The following SEC24D variants were observed in gnomAD, a reference collection of about 807,000 sequenced individuals.
The protein encoded by SEC24D is SEC24 homolog D, COPII component.
SEC24D carries 69 observed loss-of-function variants against 116.9 expected under a neutral mutation model. The ratio of observed to expected loss-of-function variants is 0.59; its 90% CI spans 0.49 to 0.72. The LOEUF (loss-of-function observed/expected upper bound fraction) is 0.72, where lower values mean the gene tolerates loss of function less well. Among genes scored for constraint, SEC24D ranks in the 30% least tolerant of loss-of-function variants. The pLI, the probability that SEC24D is intolerant of heterozygous loss-of-function variation, is 0.00. For synonymous variants in SEC24D, 405 were observed against 442.8 expected (o/e 0.91, Z 1.07); for missense variants, 1,131 against 1,264.1 (o/e 0.89, Z 1.60).
intron 22 of SEC24D, among the ~76,000 whole-genome samples, chr4:118,726,701 A>ATT (rs1725431796): frequency 6.6e-6 from 1 of 152,172 alleles, no homozygotes; most frequent in African/African-American, 2.4e-5. Flanking sequence ...AGCACAGAGA[A>ATT]CTGTGCAGGG....
chr4:118,821,298 C>G (rs1730391360), intron 3 of SEC24D, among the ~76,000 whole-genome samples: 1 of 152,142 alleles, frequency 6.6e-6, no homozygotes, highest in Non-Finnish European at 1.5e-5. Context: ...GTCCACTGTT[C>G]CCTCAAATTC....
intron 8 of SEC24D, among the ~76,000 whole-genome samples, chr4:118,779,984 C>T (rs1255364874): frequency 6.6e-6 from 1 of 151,700 alleles, no homozygotes; most frequent in African/African-American, 2.4e-5. Context: ...CTATTTGATT[C>T]TTCTCTCTTT....
chr4:118,761,111 C>A (rs962928525), intron 10 of SEC24D, among the ~76,000 whole-genome samples: 2 of 152,148 alleles, frequency 1.3e-5, no homozygotes, highest in African/African-American at 4.8e-5. Flanking sequence ...TCCCTTGCCT[C>A]TAATCTCTCC....
chr4:118,805,181 T>G (rs1028534646), intron 7 of SEC24D, among the ~76,000 whole-genome samples: 2 of 152,154 alleles, frequency 1.3e-5, no homozygotes, highest in African/African-American at 4.8e-5. Context: ...CAACTAGAAC[T>G]TGGCTAGCTC....
At chr4:118,784,224 CAG>C (rs995840356) in intron 8 of SEC24D, among the ~76,000 whole-genome samples, 2 of 152,048 alleles carry the variant, frequency 1.3e-5, no homozygotes, top group Non-Finnish European at 2.9e-5. Flanking sequence ...ATTTAAAAAA[CAG>C]ATGATCAATT....
At chr4:118,803,901 T>C (rs1157183975) in intron 7 of SEC24D, among the ~76,000 whole-genome samples, 1 of 152,168 alleles carries the variant, frequency 6.6e-6, no homozygotes, top group Non-Finnish European at 1.5e-5. Context: ...TTGCAATTAT[T>C]AGCTATAATA....
chr4:118,823,423 A>C (rs1730478236), intron 3 of SEC24D, among the ~76,000 whole-genome samples: 1 of 152,224 alleles, frequency 6.6e-6, no homozygotes, highest in African/African-American at 2.4e-5. Context: ...GCTTCATGAA[A>C]GGCCATGACT....
intron 10 of SEC24D, among the ~76,000 whole-genome samples, chr4:118,761,058 C>T (rs1050092480): frequency 6.6e-6 from 1 of 151,848 alleles, no homozygotes. Context: ...ATCGTACTAC[C>T]CTCATTTTCT....
At chr4:118,824,955 C>T (rs1730539013) in intron 2 of SEC24D, among the ~76,000 whole-genome samples, 1 of 152,006 alleles carries the variant, frequency 6.6e-6, no homozygotes. Context: ...GATGAAAGAG[C>T]AGAAAAGAAG....
At chr4:118,769,399 C>A (rs1727795116) in intron 8 of SEC24D, among the ~76,000 whole-genome samples, 1 of 152,090 alleles carries the variant, frequency 6.6e-6, no homozygotes, top group South Asian at 2.1e-4. Context: ...TGTAAATCTC[C>A]TTAAAGATAA....
intron 10 of SEC24D, among the ~76,000 whole-genome samples, chr4:118,759,279 G>C (rs894839551): frequency 6.6e-6 from 1 of 152,124 alleles, no homozygotes; most frequent in African/African-American, 2.4e-5. Context: ...ATTAGATTTG[G>C]CTGTTCCTTT....
intron 8 of SEC24D, among the ~76,000 whole-genome samples, chr4:118,789,589 ATTTT>A (rs1728802729): frequency 6.6e-6 from 1 of 152,060 alleles, no homozygotes; most frequent in South Asian, 2.1e-4. Context: ...TTATTTATTT[ATTTT>A]TATTTTTTTG....
chr4:118,788,814 A>G (rs2110495030), intron 8 of SEC24D, among the ~76,000 whole-genome samples: 2 of 152,330 alleles, frequency 1.3e-5, no homozygotes, highest in Middle Eastern at 6.8e-3. Flanking sequence ...TGTGCTAAAA[A>G]AAATTAGAGG....
At chr4:118,773,830 T>C (rs1192407133) in intron 8 of SEC24D, among the ~76,000 whole-genome samples, 1 of 152,216 alleles carries the variant, frequency 6.6e-6, no homozygotes, top group African/African-American at 2.4e-5. Context: ...ATATGACATT[T>C]ACCTGGCCTA....
In SEC24D at chr4:118,768,243, C is replaced by T. The variant is rs757061610; in HGVS notation, c.1110G>A (p.Met370Ile). Reference protein sequence around the residue: ...PVRCNRCKAYMCPFMQFIEGG... With the variant: ...PVRCNRCKAYICPFMQFIEGG... ...CTTCGATGAACTGCATAAATGGGCA[C>T]ATGTAGGCCTTGCACCTGTTGCATC... Residue 370 changes from methionine to isoleucine, a missense_variant, in exon 9 of 23, where the codon ATG (methionine) becomes ATA (isoleucine). Met to Ile is a conservative substitution (Grantham distance 10). Coordinates refer to ENST00000280551, the MANE Select transcript of SEC24D (RefSeq NM_014822.4). 6 of 1,613,824 alleles carry T rather than the reference C, an allele frequency of 3.7e-6. No individual in the cohort carries two copies. The South Asian group carries it at 4.4e-5, about 12-fold the overall frequency.
chr4:118,780,522 T>C (rs1285358926), intron 8 of SEC24D, among the ~76,000 whole-genome samples: 2 of 152,218 alleles, frequency 1.3e-5, no homozygotes, highest in Non-Finnish European at 2.9e-5. Context: ...TACTTCCAAC[T>C]ATGTGGTCAA....
At position 118,817,275 on chromosome 4, in the gene SEC24D, A is replaced by C. The variant is rs1166397396; in HGVS notation, c.386T>G (p.Ile129Ser). ...QLGSQLSAMQ[I>S]NSYGSGMAPP... is the part of the protein sequence containing the mutation. ...AATAAAACTATTACCATAGCTGTTGATTTGCATAGCACTGAGCTGGCTGCC... is the reference window on the plus strand; with the variant it reads ...AATAAAACTATTACCATAGCTGTTGCTTTGCATAGCACTGAGCTGGCTGCC... The change falls in exon 4 of 23, where the codon ATC (isoleucine) becomes AGC (serine). Residue 129 changes from isoleucine (I) to serine (S), a missense_variant. Coordinates refer to ENST00000280551, the MANE Select transcript of SEC24D (RefSeq NM_014822.4). 1 of 1,604,798 alleles carries C rather than the reference A, an allele frequency of 6.2e-7. No homozygotes were observed. Among genetic ancestry groups the C allele is most frequent in the South Asian group, 1.1e-5 (1 of 89,036 alleles).
At chr4:118,725,023 T>C (rs1468872486) in intron 22 of SEC24D, among the ~76,000 whole-genome samples, 1 of 152,262 alleles carries the variant, frequency 6.6e-6, no homozygotes, top group African/African-American at 2.4e-5. Flanking sequence ...TCTATGCTTT[T>C]TAGTTATCAA....
chr4:118,805,747 T>A lies in SEC24D; in HGVS notation c.913+96A>T. ...TTATCAGCTATAATGGGGTTTTCCA[T>A]TATTAAGAGCATTATTGAAGGGTGT... On this transcript the variant is annotated intron_variant, in intron 7 of 22. Coordinates refer to ENST00000280551, the MANE Select transcript of SEC24D (RefSeq NM_014822.4). 3 of 660,160 alleles carry A rather than the reference T, an allele frequency of 4.5e-6. 1 individual carries two copies. In the South Asian group the frequency reaches 6.9e-5, roughly 15 times the overall value. 40.9% of individuals were successfully genotyped at this position (660,160 alleles called of 1,614,324 possible). A position where few individuals can be genotyped will look rare whatever the true frequency, so the allele number is the denominator to read the frequency against.
Sources: gnomAD v4.1 joint callset for allele counts (sites outside exome capture counted in the v4.1 genomes callset) on GRCh38, gnomAD v4.1.1 for gene constraint, MANE v1.5 for transcripts, NCBI Gene and HGNC (gene_info 2026-07-23, HGNC 2026-07-21) for gene names.